Variants in ZBTB40 observed in about 807,000 individuals in gnomAD.
ZBTB40 encodes zinc finger and BTB domain containing 40, also known as zinc finger and BTB domain-containing protein 40.
ZBTB40 carries 60 observed loss-of-function variants against 117.5 expected under a neutral mutation model. That is an observed-to-expected ratio of 0.51 (90% CI 0.41 to 0.63). The LOEUF (loss-of-function observed/expected upper bound fraction) is 0.63, where lower values mean the gene tolerates loss of function less well. Among genes scored for constraint, ZBTB40 ranks in the 30% least tolerant of loss-of-function variants. The probability of loss-of-function intolerance (pLI) is 0.00; values close to 1 mark genes in which losing one functional copy is unlikely to be tolerated. For synonymous variants in ZBTB40, 525 were observed against 577.1 expected, an observed-to-expected ratio of 0.91 and a Z score of 1.29; for missense variants, 1,287 against 1,498.5, an observed-to-expected ratio of 0.86 and a Z score of 2.33.
At chr1:22,526,061 C>T (rs1639668295) in intron 17 of ZBTB40, 141 bp from the exon 18 acceptor site, 2 of 950,982 alleles carry the variant, frequency 2.1e-6, no homozygotes, top group East Asian at 2.6e-5. Context: ...TTAGACTTGC[C>T]TCTTCCCATT....
chr1:22,450,683 G>A (rs563152008), upstream of ZBTB40, among the ~76,000 whole-genome samples: 16 of 152,354 alleles, frequency 1.1e-4, no homozygotes, highest in African/African-American at 3.6e-4. Context: ...GTAGCTGCAT[G>A]TCAGACAGTG....
Position 22,524,232 on chromosome 1 carries a change from C to T in ZBTB40, c.3313C>T (p.Arg1105Trp), listed in dbSNP as rs200223341. 4.8e-5 allele frequency: 77 copies of T among 1,614,072 alleles called. No homozygotes were observed. The highest frequency in any genetic ancestry group is 5.9e-5 in the Non-Finnish European group (70 of 1,180,044). Residue 1105 changes from arginine to tryptophan, a missense_variant, in exon 17 of 18, where the codon CGG becomes TGG. Around this residue, in one of 2 missense-constraint regions of ZBTB40, gnomAD observed 417 missense variants for 564.1 expected, o/e 0.74. Coordinates refer to ENST00000375647, the MANE Select transcript of ZBTB40 (RefSeq NM_014870.4). ...KCQHSGSQPF[R>W]CLYCAATFRF... is the part of the protein sequence containing the mutation. The stretch of plus-strand genomic sequence containing the variant: ...CTCTCCTCCAGGGTCCCAGCCATTC[C>T]GGTGCTTGTACTGTGCTGCTACTTT...
chr1:22,448,450 T>G (rs1350701057), upstream of ZBTB40, among the ~76,000 whole-genome samples: 2 of 152,242 alleles, frequency 1.3e-5, no homozygotes, highest in Non-Finnish European at 2.9e-5. Flanking sequence ...TGTTTTACTC[T>G]TTCTTTTGTG....
intron 17 of ZBTB40, 59 bp downstream of exon 17, chr1:22,524,503 T>G: frequency 3.2e-6 from 5 of 1,556,074 alleles, no homozygotes; most frequent in Non-Finnish European, 4.4e-6. Context: ...AAGGCTTCTC[T>G]AGAGGTGGCT....
At chr1:22,437,968 TA>T (rs1640691424) in intron 1 of ZBTB40, among the ~76,000 whole-genome samples, 2 of 151,944 alleles carry the variant, frequency 1.3e-5, no homozygotes, top group African/African-American at 4.8e-5. Flanking sequence ...CTGTCTCTAC[TA>T]AAAATACAAA....
chr1:22,494,455 T>A (rs1379171991), intron 3 of ZBTB40, among the ~76,000 whole-genome samples: 2 of 152,190 alleles, frequency 1.3e-5, no homozygotes, highest in Admixed American at 1.3e-4. Context: ...AATGTATACC[T>A]CCAGAACTCA....
upstream of ZBTB40, among the ~76,000 whole-genome samples, chr1:22,451,095 CTA>C (rs1460055734): frequency 6.6e-6 from 1 of 152,216 alleles, no homozygotes; most frequent in Non-Finnish European, 1.5e-5. Flanking sequence ...AAAGCTAGGA[CTA>C]AATCCCAAAG....
intron 1 of ZBTB40, among the ~76,000 whole-genome samples, chr1:22,482,847 G>A (rs1161315752): frequency 6.6e-6 from 1 of 152,126 alleles, no homozygotes; most frequent in Non-Finnish European, 1.5e-5. Flanking sequence ...GGGAGGCCGA[G>A]GCAGGTGGAT....
intron 1 of ZBTB40, among the ~76,000 whole-genome samples, chr1:22,477,568 G>A (rs1164530266): frequency 6.6e-6 from 1 of 151,436 alleles, no homozygotes; most frequent in African/African-American, 2.4e-5. Context: ...AAGATAGCTT[G>A]AACCCGGGAA....
In ZBTB40 at chr1:22,513,749, T is replaced by C. The variant is rs1030115444; in HGVS notation, c.2668+619T>C. On this transcript the variant is annotated intron_variant, in intron 12 of 17. Coordinates refer to ENST00000375647, the MANE Select transcript of ZBTB40 (RefSeq NM_014870.4). This position sits in a 1 kb window ranked among gnomAD's most constrained non-coding sequence, Gnocchi z 4.9. ...AAATTAAAAAACAATGCACAACCTC[T>C]AGGCAAACAGACGACTGGGAATAGC... Among the ~76,000 whole-genome samples the C allele has an allele frequency of 2.0e-5, 3 of 152,084 alleles. No individual in the cohort carries two copies. Among genetic ancestry groups the C allele is most frequent in the Admixed American group, 6.6e-5 (1 of 15,266 alleles).
intron 1 of ZBTB40, among the ~76,000 whole-genome samples, chr1:22,442,537 A>T (rs964899353): frequency 6.6e-6 from 1 of 152,190 alleles, no homozygotes; most frequent in African/African-American, 2.4e-5. Flanking sequence ...TTTACCACAT[A>T]TCATCTTGAG....
At chr1:22,454,381 A>G (rs1640957823) in intron 1 of ZBTB40, among the ~76,000 whole-genome samples, 1 of 152,244 alleles carries the variant, frequency 6.6e-6, no homozygotes, top group South Asian at 2.1e-4. Flanking sequence ...CAGTAAAGAA[A>G]TAACAAAGTT....
chr1:22,515,555 G>A (rs141875857), intron 12 of ZBTB40, among the ~76,000 whole-genome samples: 3 of 152,112 alleles, frequency 2.0e-5, no homozygotes, highest in Non-Finnish European at 2.9e-5. Context: ...GACGTTGCCC[G>A]CATTCCCTGG....
chr1:22,508,579 C>T lies in ZBTB40; in HGVS notation c.1547C>T (p.Ser516Phe), dbSNP rs750797143. The T allele has an allele frequency of 1.2e-6, 2 of 1,614,200 alleles. No individual in the cohort carries two copies. The highest frequency in any genetic ancestry group is 3.3e-5 in the Admixed American group (2 of 60,022). Residue 516 changes from serine to phenylalanine, a missense_variant, in exon 8 of 18, where the codon TCT (serine) becomes TTT (phenylalanine). Around this residue, in one of 2 missense-constraint regions of ZBTB40, gnomAD observed 870 missense variants for 934.4 expected, o/e 0.93. Coordinates refer to ENST00000375647, the MANE Select transcript of ZBTB40 (RefSeq NM_014870.4). The stretch of plus-strand genomic sequence containing the variant: ...GACTCTGGTTCAGGTGGTTTCAATT[C>T]TCTGATATCAGCAGTTCTAGAAAAG... ...KRDSGSGGFNSLISAVLEKQT... is the reference protein window; with the variant it reads ...KRDSGSGGFNFLISAVLEKQT...
At chr1:22,437,602 T>G (rs1305633881) in intron 1 of ZBTB40, among the ~76,000 whole-genome samples, 1 of 151,824 alleles carries the variant, frequency 6.6e-6, no homozygotes, top group Non-Finnish European at 1.5e-5. Context: ...GTATTTTTAG[T>G]AGAAACGGGG....
intron 3 of ZBTB40, among the ~76,000 whole-genome samples, chr1:22,495,317 A>G (rs571110610): frequency 2.0e-5 from 3 of 152,248 alleles, no homozygotes; most frequent in African/African-American, 7.2e-5. Flanking sequence ...TTAAAGAGAA[A>G]TCTCTTGGGT....
intron 1 of ZBTB40, among the ~76,000 whole-genome samples, chr1:22,488,734 A>G (rs941991417): frequency 2.0e-5 from 3 of 152,220 alleles, no homozygotes; most frequent in African/African-American, 7.2e-5. Context: ...CTTTTTGTGC[A>G]AAGCAGCAGC....
chr1:22,496,407 T>A (rs1444959566), intron 3 of ZBTB40, among the ~76,000 whole-genome samples: 1 of 151,974 alleles, frequency 6.6e-6, no homozygotes, highest in East Asian at 1.9e-4. Flanking sequence ...CACATTGATA[T>A]AAAACAACTA....
Position 22,513,472 on chromosome 1 carries a change from AG to A in ZBTB40, c.2668+344del, listed in dbSNP as rs1639295137. On this transcript the variant is annotated intron_variant, in intron 12 of 17. Transcript: ENST00000375647. This position sits in a 1 kb window ranked among gnomAD's most constrained non-coding sequence, Gnocchi z 4.9. ...ATCAAAAAAAAAATAAGGCTGAGGC[AG>A]GCGGATCACAAGGTCAGGAGATTGA... is the stretch of plus-strand genomic sequence containing the variant. 6.6e-6 allele frequency among the ~76,000 whole-genome samples: 1 copy of A among 152,140 alleles called. No individual in the cohort carries two copies. The highest frequency in any genetic ancestry group is 2.1e-4 in the South Asian group (1 of 4,824).
Sources: allele counts gnomAD v4.1 joint callset (sites outside exome capture counted in the v4.1 genomes callset), GRCh38; gene constraint gnomAD v4.1.1; regional missense constraint gnomAD v4.1.1; non-coding constraint Gnocchi (gnomAD v3.1); transcripts MANE v1.5; gene names NCBI Gene and HGNC (gene_info 2026-07-23, HGNC 2026-07-21).